Variants in COMMD1 observed in about 807,000 individuals in gnomAD.
COMMD1 encodes COMM domain-containing protein 1.
COMMD1 carries 10 observed loss-of-function variants against 17.2 expected under a neutral mutation model. The ratio of observed to expected loss-of-function variants is 0.58; its 90% CI spans 0.36 to 0.99. COMMD1 has a LOEUF of 0.99. Ranked by LOEUF, COMMD1 falls within the 50% of genes least tolerant of loss-of-function variation. The pLI, the probability that COMMD1 is intolerant of heterozygous loss-of-function variation, is 0.01. For synonymous variants in COMMD1, 97 were observed against 91.6 expected, an observed-to-expected ratio of 1.06 and a Z score of -0.34; for missense variants, 270 against 231.8, an observed-to-expected ratio of 1.17 and a Z score of -1.07.
intron 1 of COMMD1, among the ~76,000 whole-genome samples, chr2:61,963,221 A>G (rs1411841337): frequency 7.0e-6 from 1 of 143,720 alleles, no homozygotes; most frequent in Non-Finnish European, 1.5e-5. Flanking sequence ...ACACACACAC[A>G]TATATACATA....
chr2:62,013,023 G>A (rs1464788296), intron 2 of COMMD1, among the ~76,000 whole-genome samples: 2 of 152,116 alleles, frequency 1.3e-5, no homozygotes, highest in African/African-American at 4.8e-5. Context: ...AATTTTAAGT[G>A]TAATGGGAAG....
chr2:61,906,815 G>A (rs1669785417), intron 1 of COMMD1, among the ~76,000 whole-genome samples: 1 of 152,006 alleles, frequency 6.6e-6, no homozygotes, highest in Non-Finnish European at 1.5e-5. Context: ...AATCTAAACA[G>A]CCTAAAATTC....
intron 2 of COMMD1, among the ~76,000 whole-genome samples, chr2:62,093,162 C>T (rs1450104835): frequency 6.6e-6 from 1 of 152,186 alleles, no homozygotes; most frequent in African/African-American, 2.4e-5. Context: ...AATCTTTCTA[C>T]TCAATGAGAA....
At chr2:61,907,096 C>A (rs1172117936) in intron 1 of COMMD1, among the ~76,000 whole-genome samples, 1 of 152,010 alleles carries the variant, frequency 6.6e-6, no homozygotes, top group Non-Finnish European at 1.5e-5. Flanking sequence ...CTAGTGAATG[C>A]TTTCTATTTC....
chr2:62,109,254 G>C (rs1042632308), intron 2 of COMMD1, among the ~76,000 whole-genome samples: 2 of 152,102 alleles, frequency 1.3e-5, no homozygotes, highest in African/African-American at 4.8e-5. Flanking sequence ...TGAGGTTGAG[G>C]GCAATCACTA....
intron 2 of COMMD1, among the ~76,000 whole-genome samples, chr2:62,044,834 A>C (rs1485629809): frequency 7.0e-6 from 1 of 142,432 alleles, no homozygotes; most frequent in Non-Finnish European, 1.5e-5. Flanking sequence ...CAAGCTCCTA[A>C]CTTAAAAAAA....
chr2:62,084,177 C>A (rs1671597120), intron 2 of COMMD1, among the ~76,000 whole-genome samples: 1 of 152,040 alleles, frequency 6.6e-6, no homozygotes, highest in Non-Finnish European at 1.5e-5. Flanking sequence ...TACAGTTGAC[C>A]TTTGAGCAAC....
chr2:62,002,813 A>G (rs1668988419), intron 2 of COMMD1, among the ~76,000 whole-genome samples: 1 of 151,886 alleles, frequency 6.6e-6, no homozygotes, highest in African/African-American at 2.4e-5. Flanking sequence ...CAGGGATCAC[A>G]TCACTGTACT....
chr2:62,061,226 A>T (rs941851119), intron 2 of COMMD1, among the ~76,000 whole-genome samples: 3 of 152,218 alleles, frequency 2.0e-5, no homozygotes, highest in Non-Finnish European at 4.4e-5. Flanking sequence ...TGAGTGTGTC[A>T]TATTTTCCTG....
At chr2:62,004,804 C>G (rs1669066400) in intron 2 of COMMD1, among the ~76,000 whole-genome samples, 1 of 152,080 alleles carries the variant, frequency 6.6e-6, no homozygotes, top group African/African-American at 2.4e-5. Flanking sequence ...AAATCAAGTA[C>G]CCAATTTTTA....
At chr2:61,952,050 C>T (rs1407397936) in intron 1 of COMMD1, among the ~76,000 whole-genome samples, 1 of 152,146 alleles carries the variant, frequency 6.6e-6, no homozygotes, top group Non-Finnish European at 1.5e-5. Flanking sequence ...TGTGAAACTG[C>T]CATGGCAAAA....
chr2:61,975,139 T>A (rs1671765193), intron 1 of COMMD1, among the ~76,000 whole-genome samples: 2 of 142,754 alleles, frequency 1.4e-5, no homozygotes, highest in Non-Finnish European at 1.5e-5. Context: ...TTTTTTTTTT[T>A]TGTATTTTAA....
intron 2 of COMMD1, among the ~76,000 whole-genome samples, chr2:62,062,477 C>T (rs1670889381): frequency 6.6e-6 from 1 of 152,106 alleles, no homozygotes; most frequent in Non-Finnish European, 1.5e-5. Context: ...ATCCACTCAG[C>T]TCGGCCTCCC....
At chr2:61,916,084 C>A (rs1031481383) in intron 1 of COMMD1, among the ~76,000 whole-genome samples, 1 of 152,036 alleles carries the variant, frequency 6.6e-6, no homozygotes, top group African/African-American at 2.4e-5. Context: ...GATTCTCCCA[C>A]CTGAACCTCG....
intron 2 of COMMD1, among the ~76,000 whole-genome samples, chr2:62,003,953 C>A (rs1262205480): frequency 1.3e-5 from 2 of 152,016 alleles, no homozygotes; most frequent in Non-Finnish European, 2.9e-5. Context: ...CATGGTGAAA[C>A]CCTGTCTCTA....
intron 1 of COMMD1, among the ~76,000 whole-genome samples, chr2:61,977,971 A>G (rs1471783751): frequency 1.3e-5 from 2 of 151,720 alleles, no homozygotes; most frequent in African/African-American, 4.8e-5. Context: ...TCTGGGCAAC[A>G]CAGGGAGATT....
rs141652545 is a variant in COMMD1 at position 61,927,484 on chromosome 2, C to A, written c.180+21626C>A. Among the ~76,000 whole-genome samples the A allele has an allele frequency of 5.4e-3, 818 of 151,038 alleles. 7 individuals carry two copies. The highest frequency in any genetic ancestry group is 0.018 in the Middle Eastern group (5 of 276). Reference sequence around the variant, plus strand: ...GTCAGCTCACTGCACACTCCACCTCCCGGGTTCATGCCATTCTCCTGCCTC... The same window carrying A: ...GTCAGCTCACTGCACACTCCACCTCACGGGTTCATGCCATTCTCCTGCCTC... On this transcript the variant is annotated intron_variant, in intron 1 of 2. Coordinates refer to ENST00000311832, the MANE Select transcript of COMMD1 (RefSeq NM_152516.4).
In COMMD1 at chr2:61,993,796, C is replaced by G. The variant is rs138321232; in HGVS notation, c.181-6905C>G. Among the ~76,000 whole-genome samples the G allele has an allele frequency of 3.3e-5, 5 of 152,056 alleles. No homozygotes were observed. The East Asian group carries it at 9.7e-4, about 29-fold the overall frequency. On this transcript the variant is annotated intron_variant, in intron 1 of 2. Coordinates refer to ENST00000311832, the MANE Select transcript of COMMD1 (RefSeq NM_152516.4). ...GTTCAAGATATTATTGACTGGAACCCAACCAAAATAACTTTTGTCACAGAT... is the reference window on the plus strand; with the variant it reads ...GTTCAAGATATTATTGACTGGAACCGAACCAAAATAACTTTTGTCACAGAT...
rs187427093 is a variant in COMMD1 at position 61,951,987 on chromosome 2, G to A, written c.180+46129G>A. On this transcript the variant is annotated intron_variant, in intron 1 of 2. Coordinates refer to ENST00000311832, the MANE Select transcript of COMMD1 (RefSeq NM_152516.4). Reference sequence around the variant, plus strand: ...ATAGTTCATTCCTTTTTATTGCTGAGCATTAGTCCATTGTATGATATAATA... The same window carrying A: ...ATAGTTCATTCCTTTTTATTGCTGAACATTAGTCCATTGTATGATATAATA... 8.5e-5 allele frequency among the ~76,000 whole-genome samples: 13 copies of A among 152,152 alleles called. No individual in the cohort carries two copies. The East Asian group carries it at 2.5e-3, about 29-fold the overall frequency.
Sources: gnomAD v4.1 joint callset for allele counts (sites outside exome capture counted in the v4.1 genomes callset) on GRCh38, gnomAD v4.1.1 for gene constraint, MANE v1.5 for transcripts, NCBI Gene and HGNC (gene_info 2026-07-23, HGNC 2026-07-21) for gene names.